The following RAB6B variants were observed in gnomAD, a reference collection of about 807,000 sequenced individuals.
The protein encoded by RAB6B is ras-related protein Rab-6B.
Under a neutral mutation model 31.2 loss-of-function variants are expected in RAB6B, and 7 were observed. The observed-to-expected ratio is 0.22, with a 90% confidence interval of 0.13 to 0.42. The LOEUF is 0.42. Among genes scored for constraint, RAB6B ranks in the 10% least tolerant of loss-of-function variants. RAB6B has a pLI of 1.00. For missense variants in RAB6B, 149 were observed against 280.6 expected, an observed-to-expected ratio of 0.53 and a Z score of 3.35; for synonymous variants, 105 against 104.9, an observed-to-expected ratio of 1.00 and a Z score of -0.01.
chr3:133,854,816 G>GA (rs774607168), intron 2 of RAB6B, among the ~76,000 whole-genome samples: 4 of 152,238 alleles, frequency 2.6e-5, no homozygotes, highest in Non-Finnish European at 4.4e-5. Context: ...CCGGAGGAAA[G>GA]AGACGTTTCC....
intron 2 of RAB6B, among the ~76,000 whole-genome samples, chr3:133,853,033 T>A (rs532142180): frequency 6.6e-6 from 1 of 152,304 alleles, no homozygotes; most frequent in South Asian, 2.1e-4. Context: ...CCTCTGCATC[T>A]GTAGTACAGT....
At position 133,838,237 on chromosome 3, in the gene RAB6B, C is replaced by T. The variant is rs1199263239; in HGVS notation, c.424G>A (p.Glu142Lys). 3 of 1,613,980 alleles carry T rather than the reference C, an allele frequency of 1.9e-6. No individual in the cohort carries two copies. The highest frequency in any genetic ancestry group is 2.5e-6 in the Non-Finnish European group (3 of 1,179,972). ...DKRQITIEEG[E>K]QRAKELSVMF... is the part of the protein sequence containing the mutation. ...ACGCTCAGTTCTTTGGCGCGCTGCT[C>T]CCCCTCCTCGATGGTTATCTGCCTA... is the stretch of plus-strand genomic sequence containing the variant. Residue 142 changes from glutamate to lysine, a missense_variant, in exon 6 of 8, where the codon GAG (glutamate) becomes AAG (lysine). Physicochemically the swap from Glu to Lys is moderately conservative, Grantham distance 56. Around this residue, in one of 2 missense-constraint regions of RAB6B, gnomAD observed 74 missense variants for 100.5 expected, o/e 0.74. Coordinates refer to ENST00000285208, the MANE Select transcript of RAB6B (RefSeq NM_016577.4).
chr3:133,889,834 T>C (rs1936612975), intron 1 of RAB6B, among the ~76,000 whole-genome samples: 1 of 152,202 alleles, frequency 6.6e-6, no homozygotes, highest in Non-Finnish European at 1.5e-5. Flanking sequence ...GTAATTATTA[T>C]TACATCTACG....
chr3:133,851,201 C>T (rs1935979657), intron 2 of RAB6B, among the ~76,000 whole-genome samples: 1 of 152,166 alleles, frequency 6.6e-6, no homozygotes, highest in Non-Finnish European at 1.5e-5. Flanking sequence ...CTAATGGAAA[C>T]TAGAATTCTC....
chr3:133,841,468 A>G, intron 3 of RAB6B, 78 bp from the exon 4 acceptor site: 2 of 1,550,032 alleles, frequency 1.3e-6, no homozygotes, highest in Non-Finnish European at 1.8e-6. Context: ...GGACTGGGAG[A>G]GCCGGGCTCT....
Position 133,824,825 on chromosome 3 carries a change from C to G in RAB6B, c.*3963G>C, listed in dbSNP as rs957418297. 1 of 152,110 alleles carries G rather than the reference C, an allele frequency of 6.6e-6. No homozygotes were observed. The highest frequency in any genetic ancestry group is 2.4e-5 in the African/African-American group (1 of 41,386). The allele number at this position is 152,110 out of a possible 1,614,324, so 9.4% of individuals were successfully genotyped here. On this transcript the variant is annotated 3_prime_UTR_variant, in exon 8 of 8. Coordinates refer to ENST00000285208, the MANE Select transcript of RAB6B (RefSeq NM_016577.4). ...AGGAACACACCCACACACAGCAGTC[C>G]TTGCTGTGTAATAAATATGGAGTCA...
intron 4 of RAB6B, 90 bp from the exon 5 acceptor site, chr3:133,839,707 A>G: frequency 2.1e-6 from 2 of 960,902 alleles, no homozygotes; most frequent in Non-Finnish European, 3.4e-6. Flanking sequence ...AGCAGGAGGG[A>G]GGGTGAGCAT....
intron 1 of RAB6B, 84 bp downstream of exon 1, chr3:133,895,313 T>C: frequency 6.9e-7 from 1 of 1,447,510 alleles, no homozygotes; most frequent in Non-Finnish European, 9.6e-7. Flanking sequence ...TTTCCGAGCC[T>C]GGGCCGGGGG....
At position 133,838,154 on chromosome 3, in the gene RAB6B, GTGTGTCCT is replaced by G. The variant is rs1559900630; in HGVS notation, c.495+4_495+11del. On this transcript the variant is annotated splice_donor_5th_base_variant and intron_variant, in intron 6 of 7. Transcript: ENST00000285208. ...GGCCCCGTGCCGGGCCCCGTGCCAG[GTGTGTCCT>G]CACCTGCTTCACGTTGTAGCCAGTC... is the stretch of plus-strand genomic sequence containing the variant. 2.5e-6 allele frequency: 4 copies of G among 1,610,342 alleles called. No homozygotes were observed. The highest frequency in any genetic ancestry group is 3.4e-6 in the Non-Finnish European group (4 of 1,177,004).
intron 2 of RAB6B, among the ~76,000 whole-genome samples, chr3:133,856,465 T>C (rs1936078257): frequency 6.6e-6 from 1 of 152,122 alleles, no homozygotes; most frequent in Non-Finnish European, 1.5e-5. Flanking sequence ...CCTGGAATCC[T>C]TCCCCCCAAG....
At chr3:133,870,354 G>A (rs1320411451) in intron 1 of RAB6B, among the ~76,000 whole-genome samples, 5 of 152,180 alleles carry the variant, frequency 3.3e-5, no homozygotes, top group Non-Finnish European at 7.3e-5. Context: ...TCCTTGACAC[G>A]TGGGGATCAT....
At position 133,841,599 on chromosome 3, in the gene RAB6B, T is replaced by G; in HGVS notation, c.183+11A>C. The G allele has an allele frequency of 6.2e-7, 1 of 1,612,810 alleles. No individual in the cohort carries two copies. Among genetic ancestry groups the G allele is most frequent in the Non-Finnish European group, 8.5e-7 (1 of 1,179,386 alleles). On this transcript the variant is annotated intron_variant, in intron 3 of 7. Coordinates refer to ENST00000285208, the MANE Select transcript of RAB6B (RefSeq NM_016577.4). ...TCCCTGCCCCTCCCAGTCCTGATATTAGGTGCTCACCGTGCGGTCCTCCAA... is the reference window on the plus strand; with the variant it reads ...TCCCTGCCCCTCCCAGTCCTGATATGAGGTGCTCACCGTGCGGTCCTCCAA...
chr3:133,848,456 G>T (rs1935935270), intron 2 of RAB6B, among the ~76,000 whole-genome samples: 1 of 152,178 alleles, frequency 6.6e-6, no homozygotes, highest in South Asian at 2.1e-4. Context: ...TAGCAGGCAG[G>T]ATGTCTTAGT....
intron 4 of RAB6B, among the ~76,000 whole-genome samples, chr3:133,839,922 C>T (rs1431053045): frequency 6.6e-6 from 1 of 152,132 alleles, no homozygotes; most frequent in Non-Finnish European, 1.5e-5. Context: ...TAGGGGCCCA[C>T]CTGAGAGACC....
At chr3:133,839,376 C>A in intron 5 of RAB6B, 130 bp downstream of exon 5, 1 of 772,806 alleles carries the variant, frequency 1.3e-6, no homozygotes, top group Admixed American at 2.0e-5. Flanking sequence ...CCTAGTGTCT[C>A]AAGGGACCTT....
chr3:133,852,707 G>A (rs1280910325), intron 2 of RAB6B, among the ~76,000 whole-genome samples: 2 of 152,122 alleles, frequency 1.3e-5, no homozygotes, highest in Non-Finnish European at 2.9e-5. Context: ...TCGAACTCCA[G>A]GGCACAAGTG....
At chr3:133,874,096 G>A (rs1936360852) in intron 1 of RAB6B, among the ~76,000 whole-genome samples, 1 of 152,118 alleles carries the variant, frequency 6.6e-6, no homozygotes, top group African/African-American at 2.4e-5. Flanking sequence ...GAAAGAGGTG[G>A]ACAGGGAGGC....
At chr3:133,846,200 A>T (rs1317415597) in intron 2 of RAB6B, among the ~76,000 whole-genome samples, 1 of 152,192 alleles carries the variant, frequency 6.6e-6, no homozygotes, top group East Asian at 1.9e-4. Flanking sequence ...TAATCCTAGC[A>T]CTCTGGGAGG....
intron 1 of RAB6B, among the ~76,000 whole-genome samples, chr3:133,870,018 T>C (rs146349562): frequency 3.5e-4 from 54 of 152,328 alleles, no homozygotes; most frequent in East Asian, 5.8e-4. Context: ...ATCAGAGCAA[T>C]AGACCTGTGC....
Sources: gnomAD v4.1 joint callset for allele counts (sites outside exome capture counted in the v4.1 genomes callset) on GRCh38, gnomAD v4.1.1 for gene constraint, gnomAD v4.1.1 regional missense constraint, MANE v1.5 for transcripts, NCBI Gene and HGNC (gene_info 2026-07-23, HGNC 2026-07-21) for gene names.